Variants in TOP3B observed in about 807,000 individuals in gnomAD.
The protein encoded by TOP3B is DNA topoisomerase III beta.
A neutral mutation model predicts 93.9 loss-of-function variants in TOP3B; 45 were observed. The observed-to-expected ratio is 0.48, with a 90% CI of 0.38 to 0.61. TOP3B has a LOEUF of 0.61. TOP3B is among the 20% of genes least tolerant of loss of function. The pLI is 0.00. For missense variants in TOP3B, 750 were observed against 1,156.1 expected, an observed-to-expected ratio of 0.65 and a Z score of 5.09; for synonymous variants, 357 against 472.6, an observed-to-expected ratio of 0.76 and a Z score of 3.17.
intron 14 of TOP3B, 197 bp from the exon 15 acceptor site, chr22:21,959,933 A>G: frequency 2.7e-6 from 2 of 728,234 alleles, no homozygotes; most frequent in Non-Finnish European, 4.4e-6. Context: ...CTGATTTCCC[A>G]CCTGGAAATG....
intron 7 of TOP3B, 50 bp from the exon 8 acceptor site, chr22:21,967,766 G>A (rs9610750): frequency 0.12 from 167,615 of 1,441,258 alleles, 10,106 homozygotes; most frequent in African/African-American, 0.14. Flanking sequence ...GTCTCCAGGT[G>A]AGCCCAACGC....
intron 13 of TOP3B, chr22:21,962,086 G>A (rs2071207243): frequency 4.9e-6 from 6 of 1,236,022 alleles, no homozygotes; most frequent in South Asian, 4.8e-5. Context: ...CAGGCTGGCT[G>A]TGTGGACTCA....
chr22:21,963,795 C>G lies in TOP3B; in HGVS notation c.1204+128G>C. 1.1e-6 allele frequency: 1 copy of G among 921,720 alleles called. No individual in the cohort carries two copies. The allele number at this position is 921,720 out of a possible 1,614,324, so 57.1% of individuals were successfully genotyped here. A position where few individuals can be genotyped will look rare whatever the true frequency, so the allele number is the denominator to read the frequency against. On this transcript the variant is annotated intron_variant, in intron 11 of 17. Coordinates refer to ENST00000357179, the MANE Select transcript of TOP3B (RefSeq NM_001282112.2). The surrounding 1 kb of genome is among the most constrained non-coding windows in gnomAD (Gnocchi z 4.8). ...GGAGCTCATCTTCCAGGTGGCCCCCCATCCCCACAGCCAGGGCAGGCAGAG... is the reference window on the plus strand; with the variant it reads ...GGAGCTCATCTTCCAGGTGGCCCCCGATCCCCACAGCCAGGGCAGGCAGAG...
intron 1 of TOP3B, among the ~76,000 whole-genome samples, chr22:21,977,814 T>C (rs1334969165): frequency 6.6e-6 from 1 of 152,130 alleles, no homozygotes; most frequent in Non-Finnish European, 1.5e-5. Context: ...CAGTTATTTA[T>C]TGAGTACCTA....
Position 21,970,187 on chromosome 22 carries a change from G to C in TOP3B, c.581+23C>G. On this transcript the variant is annotated intron_variant, in intron 6 of 17. Coordinates refer to ENST00000357179, the MANE Select transcript of TOP3B (RefSeq NM_001282112.2). This position sits in a 1 kb window ranked among gnomAD's most constrained non-coding sequence, Gnocchi z 4.4. ...TGAGGGAGAGTGAGGGTGTGCCCAG[G>C]ACTCTGCGGGTGTGGCCAGCACCTG... 6.2e-7 allele frequency: 1 copy of C among 1,604,622 alleles called. No homozygotes were observed. Among genetic ancestry groups the C allele is most frequent in the Non-Finnish European group, 8.5e-7 (1 of 1,178,696 alleles).
At chr22:21,959,030 T>A in intron 16 of TOP3B, 102 bp downstream of exon 16, 4 of 1,509,922 alleles carry the variant, frequency 2.6e-6, no homozygotes, top group Non-Finnish European at 3.6e-6. Context: ...ATCATTCTTT[T>A]GTGACAACCA....
At chr22:21,967,551 G>A in intron 8 of TOP3B, 52 bp downstream of exon 8, 9 of 1,473,618 alleles carry the variant, frequency 6.1e-6, no homozygotes, top group Non-Finnish European at 8.6e-6. Context: ...AGGCATCCAA[G>A]GGCCACCCTC....
rs117984424 is a variant in TOP3B at position 21,967,255 on chromosome 22, C to T, written c.852+348G>A. The T allele has an allele frequency of 8.8e-5, 23 of 260,512 alleles. 1 individual carries two copies. In the East Asian group the frequency reaches 2.0e-3, roughly 23 times the overall value. The allele number at this position is 260,512 out of a possible 1,614,324, so 16.1% of individuals were successfully genotyped here. ...TTCATCAGTGTGCACCAAGGTCCCT[C>T]TACAGTTGTTAGTTTGAATCTCTGT... On this transcript the variant is annotated intron_variant, in intron 8 of 17. Transcript: ENST00000357179.
chr22:21,979,087 C>T (rs973610232), intron 1 of TOP3B, among the ~76,000 whole-genome samples: 6 of 151,892 alleles, frequency 4.0e-5, no homozygotes. Context: ...GGTGATGCTG[C>T]GGGCAGGCCC....
At position 21,970,420 on chromosome 22, in the gene TOP3B, G is replaced by A. The variant is rs749594090; in HGVS notation, c.385-14C>T. ...AGCATCAAGAACCTGGGGGTGGGGAGTGGCCAGCTGTGACCCACCTCCCAG... is the reference window on the plus strand; with the variant it reads ...AGCATCAAGAACCTGGGGGTGGGGAATGGCCAGCTGTGACCCACCTCCCAG... On this transcript the variant is annotated splice_polypyrimidine_tract_variant and intron_variant, in intron 5 of 17. Coordinates refer to ENST00000357179, the MANE Select transcript of TOP3B (RefSeq NM_001282112.2). The surrounding 1 kb of genome is among the most constrained non-coding windows in gnomAD (Gnocchi z 4.4). 1.9e-6 allele frequency: 3 copies of A among 1,611,392 alleles called. No individual in the cohort carries two copies. In the South Asian group the frequency reaches 3.3e-5, roughly 18 times the overall value.
Position 21,962,478 on chromosome 22 carries a change from G to A in TOP3B, c.1476C>T (p.Asp492=). Residue 492 remains aspartate (D), a synonymous_variant, in exon 13 of 18, where the codon GAC becomes GAT. Transcript: ENST00000357179. ...TGATGAGCTCGGCCTCCGTCAGGTA[G>A]TCGGGTGGGTTCGTCTGCTTCTCCA... ...KMLEKQTNPP[D]YLTEAELITL... is the part of the protein sequence containing the mutation. 2 of 1,613,794 alleles carry A rather than the reference G, an allele frequency of 1.2e-6. No individual in the cohort carries two copies. The highest frequency in any genetic ancestry group is 1.7e-6 in the Non-Finnish European group (2 of 1,180,034).
chr22:21,974,328 T>C, intron 3 of TOP3B, 29 bp downstream of exon 3: 1 of 1,605,794 alleles, frequency 6.2e-7, no homozygotes. Context: ...AGAACTCCCT[T>C]CAGTAGGATG....
chr22:21,968,534 C>A, intron 7 of TOP3B, 85 bp downstream of exon 7: 6 of 1,562,618 alleles, frequency 3.8e-6, no homozygotes, highest in Non-Finnish European at 5.2e-6. Context: ...AGCCCGGGGC[C>A]TGCCGGCTGA....
chr22:21,960,668 G>A, intron 13 of TOP3B: 1 of 606,680 alleles, frequency 1.6e-6, no homozygotes, highest in Non-Finnish European at 2.8e-6. Flanking sequence ...AGCCCTCCCT[G>A]TACAGGGCGC....
chr22:21,960,030 C>T, intron 14 of TOP3B: 2 of 616,740 alleles, frequency 3.2e-6, no homozygotes, highest in Non-Finnish European at 2.8e-6. Flanking sequence ...TTGTGCTCCT[C>T]CCTCTCCCCT....
intron 13 of TOP3B, chr22:21,961,382 C>T (rs974920606): frequency 1.3e-5 from 2 of 152,374 alleles, no homozygotes; most frequent in East Asian, 3.8e-4. Flanking sequence ...TGACCACTCT[C>T]CTGTTCAGAA....
Position 21,959,655 on chromosome 22 carries a change from C to A in TOP3B, c.1736G>T (p.Arg579Leu), listed in dbSNP as rs138357708. ...NLIAQGKADY[R>L]QVLGHTLDVF... is the part of the protein sequence containing the mutation. ...GTCCAGGGTGTGGCCCAGGACCTGG[C>A]GGTAGTCGGCCTTGCCCTGGGCGAT... Residue 579 changes from arginine to leucine, a missense_variant, in exon 15 of 18, where the codon CGC becomes CTC. By Grantham distance (102) the Arg-to-Leu change is moderately radical. This residue lies in a region of TOP3B where 737 missense variants were observed against 933.7 expected (regional missense o/e 0.79). Coordinates refer to ENST00000357179, the MANE Select transcript of TOP3B (RefSeq NM_001282112.2). 3 of 1,613,632 alleles carry A rather than the reference C, an allele frequency of 1.9e-6. No individual in the cohort carries two copies. The highest frequency in any genetic ancestry group is 2.2e-5 in the South Asian group (2 of 91,084).
Position 21,970,515 on chromosome 22 carries a change from T to C in TOP3B, c.385-109A>G. 1 of 1,185,374 alleles carries C rather than the reference T, an allele frequency of 8.4e-7. No homozygotes were observed. The highest frequency in any genetic ancestry group is 1.4e-5 in the South Asian group (1 of 69,080). 73.4% of individuals were successfully genotyped at this position (1,185,374 alleles called of 1,614,324 possible). On this transcript the variant is annotated intron_variant, in intron 5 of 17. Coordinates refer to ENST00000357179, the MANE Select transcript of TOP3B (RefSeq NM_001282112.2). The surrounding 1 kb of genome is among the most constrained non-coding windows in gnomAD (Gnocchi z 4.4). The stretch of plus-strand genomic sequence containing the variant: ...CCAGGAAAGAACACGTGTGCTCGGC[T>C]CCCTCTCCTGCCCCTGCCAGACCCT...
intron 2 of TOP3B, chr22:21,975,187 G>A (rs1392988147): frequency 6.5e-6 from 1 of 154,466 alleles, no homozygotes; most frequent in Non-Finnish European, 1.4e-5. Flanking sequence ...GCTCCCTGGT[G>A]TCTCAGTAGT....
Sources: allele counts gnomAD v4.1 joint callset (sites outside exome capture counted in the v4.1 genomes callset), GRCh38; gene constraint gnomAD v4.1.1; regional missense constraint gnomAD v4.1.1; non-coding constraint Gnocchi (gnomAD v3.1); transcripts MANE v1.5; gene names NCBI Gene and HGNC (gene_info 2026-07-23, HGNC 2026-07-21).